Variants in FOXP1 observed in about 807,000 individuals in gnomAD.
The protein encoded by FOXP1 is forkhead box P1.
FOXP1 carries 15 observed loss-of-function variants against 98.2 expected under a neutral mutation model. The observed-to-expected ratio is 0.15, with a 90% CI of 0.10 to 0.24. FOXP1 has a LOEUF of 0.24. Ranked by LOEUF, FOXP1 falls within the 10% of genes least tolerant of loss-of-function variation. FOXP1 has a pLI of 1.00. For missense variants in FOXP1, 633 were observed against 848.5 expected (o/e 0.75, Z 3.15); for synonymous variants, 371 against 314.5 (o/e 1.18, Z -1.90).
chr3:71,562,172 G>A (rs564452983), intron 2 of FOXP1, among the ~76,000 whole-genome samples: 27 of 152,320 alleles, frequency 1.8e-4, no homozygotes, highest in Admixed American at 2.0e-4. Context: ...CCCAATGGTT[G>A]TTTCTGCCTG....
chr3:71,411,446 C>A (rs991542711), intron 3 of FOXP1, among the ~76,000 whole-genome samples: 1 of 152,156 alleles, frequency 6.6e-6, no homozygotes, highest in Non-Finnish European at 1.5e-5. Flanking sequence ...TTCCAAGTAG[C>A]TGGGACTACA....
intron 2 of FOXP1, among the ~76,000 whole-genome samples, chr3:71,522,921 T>A (rs1338395530): frequency 2.6e-5 from 4 of 152,202 alleles, no homozygotes; most frequent in Non-Finnish European, 5.9e-5. Context: ...GCCGCAGTAC[T>A]TACACATTTA....
intron 5 of FOXP1, among the ~76,000 whole-genome samples, chr3:71,261,090 G>C (rs1200274401): frequency 1.3e-5 from 2 of 152,092 alleles, no homozygotes; most frequent in Non-Finnish European, 2.9e-5. Context: ...AAAACAGAAA[G>C]AGCCCCCGAT....
At chr3:70,971,057 T>C in intron 18 of FOXP1, 1 of 475,032 alleles carries the variant, frequency 2.1e-6, no homozygotes. Flanking sequence ...CAGGCTTGGG[T>C]CCTCCCTCCA....
intron 4 of FOXP1, among the ~76,000 whole-genome samples, chr3:71,340,960 A>G (rs1309857667): frequency 6.6e-6 from 1 of 152,164 alleles, no homozygotes; most frequent in Non-Finnish European, 1.5e-5. Flanking sequence ...AGAACCCCAA[A>G]ATATATGAAG....
At chr3:71,272,666 T>C (rs968978116) in intron 5 of FOXP1, among the ~76,000 whole-genome samples, 2 of 152,108 alleles carry the variant, frequency 1.3e-5, no homozygotes. Context: ...AGCAACCCTT[T>C]AATGTCACTG....
intron 5 of FOXP1, among the ~76,000 whole-genome samples, chr3:71,281,772 G>C (rs915079151): frequency 1.1e-4 from 16 of 152,076 alleles, no homozygotes; most frequent in Admixed American, 7.9e-4. Flanking sequence ...ACATCTGGAT[G>C]GCAATGGCTT....
chr3:71,555,380 A>T (rs1305526310), intron 2 of FOXP1, among the ~76,000 whole-genome samples: 1 of 152,218 alleles, frequency 6.6e-6, no homozygotes, highest in African/African-American at 2.4e-5. Context: ...ATTGCTGGTC[A>T]TCTTTCACAG....
At chr3:71,265,842 G>C (rs534326912) in intron 5 of FOXP1, among the ~76,000 whole-genome samples, 2 of 152,258 alleles carry the variant, frequency 1.3e-5, no homozygotes, top group Admixed American at 6.5e-5. Flanking sequence ...ACGTAGGAGG[G>C]GGCGCGAAAA....
chr3:71,328,827 C>T lies in FOXP1; in HGVS notation c.-72-28947G>A, dbSNP rs548245424. Among the ~76,000 whole-genome samples, 50 of 151,932 alleles carry T rather than the reference C, an allele frequency of 3.3e-4. No individual in the cohort carries two copies. In the South Asian group the frequency reaches 7.3e-3, roughly 22 times the overall value. ...GTTTCTACTAAAAATACAAAATTAG[C>T]CGACGTGGTGGTGCATGCCTGTAAT... On this transcript the variant is annotated intron_variant, in intron 4 of 20. Coordinates refer to ENST00000649528, the MANE Select transcript of FOXP1 (RefSeq NM_001349338.3).
At chr3:71,501,043 T>A (rs936963157) in intron 2 of FOXP1, among the ~76,000 whole-genome samples, 2 of 151,922 alleles carry the variant, frequency 1.3e-5, no homozygotes, top group Admixed American at 1.3e-4. Context: ...AATATAAAAA[T>A]TAGCCAGGTG....
intron 4 of FOXP1, among the ~76,000 whole-genome samples, chr3:71,341,821 C>T (rs1158125354): frequency 2.0e-5 from 3 of 152,234 alleles, no homozygotes; most frequent in African/African-American, 7.2e-5. Context: ...GACTGAACGA[C>T]TTCTACAGCA....
At chr3:71,193,460 T>C (rs1437914957) in intron 6 of FOXP1, among the ~76,000 whole-genome samples, 2 of 130,662 alleles carry the variant, frequency 1.5e-5, no homozygotes, top group Non-Finnish European at 3.1e-5. Flanking sequence ...TATTTGTTTT[T>C]TTTTTTTAGA....
intron 4 of FOXP1, among the ~76,000 whole-genome samples, chr3:71,300,885 G>T (rs2073784117): frequency 6.6e-6 from 1 of 152,156 alleles, no homozygotes; most frequent in African/African-American, 2.4e-5. Flanking sequence ...TCATCCCTCT[G>T]CTGTCAGCCC....
intron 7 of FOXP1, among the ~76,000 whole-genome samples, chr3:71,074,246 G>C (rs1041723154): frequency 1.3e-5 from 2 of 152,090 alleles, no homozygotes; most frequent in African/African-American, 4.8e-5. Flanking sequence ...TTATTATTTT[G>C]AAATGGAATC....
At chr3:71,307,362 A>C (rs1013933168) in intron 4 of FOXP1, among the ~76,000 whole-genome samples, 1 of 152,266 alleles carries the variant, frequency 6.6e-6, no homozygotes, top group African/African-American at 2.4e-5. Flanking sequence ...TAAAAGGTGA[A>C]GATCACTGAA....
chr3:71,402,279 AC>A (rs1424027340), intron 3 of FOXP1, among the ~76,000 whole-genome samples: 2 of 151,980 alleles, frequency 1.3e-5, no homozygotes, highest in Non-Finnish European at 2.9e-5. Context: ...ACATGGCAAA[AC>A]CCCATCTCTA....
intron 12 of FOXP1, among the ~76,000 whole-genome samples, chr3:71,004,417 C>A (rs983463863): frequency 6.6e-6 from 1 of 152,060 alleles, no homozygotes; most frequent in African/African-American, 2.4e-5. Context: ...TTAACACCTA[C>A]ACTATATTTT....
intron 14 of FOXP1, among the ~76,000 whole-genome samples, chr3:70,981,782 G>A (rs2038911655): frequency 1.3e-5 from 2 of 152,134 alleles, no homozygotes; most frequent in Admixed American, 1.3e-4. Flanking sequence ...TTAATTTGCA[G>A]GAAAACTAAT....
Sources: allele counts gnomAD v4.1 joint callset (sites outside exome capture counted in the v4.1 genomes callset), GRCh38; gene constraint gnomAD v4.1.1; transcripts MANE v1.5; gene names NCBI Gene and HGNC (gene_info 2026-07-23, HGNC 2026-07-21).